The following LYRM4 variants were observed in gnomAD, a reference collection of about 807,000 sequenced individuals.
LYRM4 encodes LYR motif-containing protein 4.
Under a neutral mutation model 11.7 loss-of-function variants are expected in LYRM4, and 9 were observed. The ratio of observed to expected loss-of-function variants is 0.77; its 90% confidence interval spans 0.46 to 1.34. The LOEUF (loss-of-function observed/expected upper bound fraction) is 1.34. Ranked by LOEUF, LYRM4 falls within the 40% of genes most tolerant of loss-of-function variation. The pLI, the probability that LYRM4 is intolerant of heterozygous loss-of-function variation, is 0.00. For synonymous variants in LYRM4, 42 were observed against 40.4 expected (o/e 1.04, Z -0.15); for missense variants, 133 against 112.5 (o/e 1.18, Z -0.82).
chr6:5,127,393 T>C (rs1763744479), intron 2 of LYRM4, among the ~76,000 whole-genome samples: 1 of 152,188 alleles, frequency 6.6e-6, no homozygotes, highest in African/African-American at 2.4e-5. Context: ...CTGAATAATA[T>C]ACCTTAAATG....
chr6:5,041,240 T>G, the LYRM4 span, among the ~76,000 whole-genome samples: 3 of 152,090 alleles, frequency 2.0e-5, no homozygotes, highest in Admixed American at 2.0e-4. Flanking sequence ...GCTCAATAAC[T>G]TCAGTGTGGT....
At chr6:5,075,418 G>A in the LYRM4 span, among the ~76,000 whole-genome samples, 1 of 152,168 alleles carries the variant, frequency 6.6e-6, no homozygotes, top group East Asian at 1.9e-4. Context: ...GAGGAGAGGA[G>A]GATGGACATA....
At chr6:5,215,849 A>T (rs1256647908) in intron 2 of LYRM4, among the ~76,000 whole-genome samples, 2 of 152,244 alleles carry the variant, frequency 1.3e-5, no homozygotes, top group East Asian at 3.8e-4. Context: ...TGGAAGCAGA[A>T]ATGGAGTTTA....
the LYRM4 span, chr6:5,066,141 T>G: frequency 1.8e-6 from 1 of 569,948 alleles, no homozygotes; most frequent in Non-Finnish European, 3.3e-6. Context: ...ACTTTGGGTT[T>G]TCCAGCCGCC....
chr6:5,039,730 TTTTA>T, the LYRM4 span, among the ~76,000 whole-genome samples: 11 of 151,418 alleles, frequency 7.3e-5, no homozygotes, highest in South Asian at 2.1e-3. Flanking sequence ...CCCCACAGAG[TTTTA>T]GATATGAAAA....
chr6:5,071,515 A>G, the LYRM4 span, among the ~76,000 whole-genome samples: 2 of 151,792 alleles, frequency 1.3e-5, no homozygotes, highest in Admixed American at 6.6e-5. Context: ...CAGAAAACTC[A>G]GCACTCATGA....
the LYRM4 span, among the ~76,000 whole-genome samples, chr6:5,098,247 T>A: frequency 6.6e-6 from 1 of 152,314 alleles, no homozygotes; most frequent in Non-Finnish European, 1.5e-5. Flanking sequence ...TTTTCTTCAT[T>A]CAGATGGACC....
the LYRM4 span, chr6:5,066,346 G>A: frequency 1.4e-6 from 1 of 725,924 alleles, no homozygotes; most frequent in Non-Finnish European, 2.6e-6. Context: ...AGAAGTACAG[G>A]AATACGTCAT....
rs557901377 is a variant in LYRM4, at chr6:5,145,860, A to C, written c.208-36369T>G. 2.0e-5 allele frequency among the ~76,000 whole-genome samples: 3 copies of C among 152,226 alleles called. No homozygotes were observed. In the South Asian group the frequency reaches 6.2e-4, roughly 32 times the overall value. ...CGCAAACCAGCATATTCAGCCTTTA[A>C]ATCCCCTCTAGAGTTCCTGCATTCC... On this transcript the variant is annotated intron_variant, in intron 2 of 2. Coordinates refer to ENST00000330636, the MANE Select transcript of LYRM4 (RefSeq NM_020408.6).
intron 2 of LYRM4, among the ~76,000 whole-genome samples, chr6:5,157,350 T>C (rs1758474766): frequency 1.3e-5 from 2 of 152,318 alleles, no homozygotes; most frequent in South Asian, 4.1e-4. Context: ...AGTACTCTGA[T>C]AATTGGTAGG....
chr6:5,079,959 C>T, the LYRM4 span, among the ~76,000 whole-genome samples: 1 of 152,230 alleles, frequency 6.6e-6, no homozygotes, highest in African/African-American at 2.4e-5. Context: ...TCATTTCTGA[C>T]TGGAATACTT....
At chr6:5,167,895 C>T (rs1759181911) in intron 2 of LYRM4, among the ~76,000 whole-genome samples, 1 of 151,528 alleles carries the variant, frequency 6.6e-6, no homozygotes, top group Non-Finnish European at 1.5e-5. Flanking sequence ...ACTATTGCAT[C>T]TTATACTACC....
intron 1 of LYRM4, among the ~76,000 whole-genome samples, chr6:5,225,325 C>T (rs547256294): frequency 6.6e-6 from 1 of 151,318 alleles, no homozygotes; most frequent in African/African-American, 2.4e-5. Flanking sequence ...GAAAATCATT[C>T]GCCCTCTCAT....
At chr6:5,120,648 G>T (rs960600054) in intron 2 of LYRM4, among the ~76,000 whole-genome samples, 1 of 152,048 alleles carries the variant, frequency 6.6e-6, no homozygotes, top group South Asian at 2.1e-4. Context: ...AGTTTACAGA[G>T]TGCTGATTGG....
At chr6:5,078,282 G>T in the LYRM4 span, among the ~76,000 whole-genome samples, 6 of 151,578 alleles carry the variant, frequency 4.0e-5, no homozygotes, top group Non-Finnish European at 7.4e-5. Context: ...TGTCTCAAGT[G>T]GAATTCCAGA....
chr6:5,072,244 G>A, the LYRM4 span, among the ~76,000 whole-genome samples: 2 of 152,172 alleles, frequency 1.3e-5, no homozygotes, highest in Admixed American at 6.5e-5. Context: ...CATTTAGGTT[G>A]ATTCCATGTC....
chr6:5,231,324 G>A (rs1024026582), intron 1 of LYRM4, among the ~76,000 whole-genome samples: 1 of 152,172 alleles, frequency 6.6e-6, no homozygotes, highest in Non-Finnish European at 1.5e-5. Flanking sequence ...CTGCAGGGCC[G>A]AATTCAGGGA....
intron 2 of LYRM4, among the ~76,000 whole-genome samples, chr6:5,147,312 A>G (rs900555511): frequency 6.6e-6 from 1 of 152,128 alleles, no homozygotes; most frequent in African/African-American, 2.4e-5. Context: ...CCAGGAAGTA[A>G]ACGTGTGTAG....
At chr6:5,078,046 C>G in the LYRM4 span, among the ~76,000 whole-genome samples, 1 of 152,114 alleles carries the variant, frequency 6.6e-6, no homozygotes, top group East Asian at 1.9e-4. Context: ...TCCTGACCTA[C>G]AAGTTACAAT....
Sources: gnomAD v4.1 joint callset for allele counts (sites outside exome capture counted in the v4.1 genomes callset) on GRCh38, gnomAD v4.1.1 for gene constraint, MANE v1.5 for transcripts, NCBI Gene and HGNC (gene_info 2026-07-23, HGNC 2026-07-21) for gene names.